The following KCNJ6 variants were observed in gnomAD, a reference collection of about 807,000 sequenced individuals.
The protein encoded by KCNJ6 is G protein-activated inward rectifier potassium channel 2.
KCNJ6 carries 9 observed loss-of-function variants against 34.2 expected under a neutral mutation model. That is an observed-to-expected ratio of 0.26 (90% CI 0.16 to 0.46). The LOEUF is 0.46. Ranked by LOEUF, KCNJ6 falls within the 20% of genes least tolerant of loss-of-function variation. The pLI, the probability that KCNJ6 is intolerant of heterozygous loss-of-function variation, is 1.00. For synonymous variants in KCNJ6, 196 were observed against 207.1 expected (o/e 0.95, Z 0.46); for missense variants, 236 against 531.3 (o/e 0.44, Z 5.46).
chr21:37,875,572 G>T (rs777763545), intron 1 of KCNJ6, among the ~76,000 whole-genome samples: 2 of 152,222 alleles, frequency 1.3e-5, no homozygotes, highest in Non-Finnish European at 2.9e-5. Flanking sequence ...TTCTGAAGCT[G>T]CTGCAGGATG....
At chr21:37,742,325 T>TTTCCTGGGCAGG (rs1338328733) in intron 2 of KCNJ6, among the ~76,000 whole-genome samples, 1 of 152,210 alleles carries the variant, frequency 6.6e-6, no homozygotes, top group East Asian at 1.9e-4. Flanking sequence ...AAGCAGTTGG[T>TTTCCTGGGCAGG]TTCCTGGGCA....
chr21:37,636,741 G>A (rs1479098686), intron 3 of KCNJ6, among the ~76,000 whole-genome samples: 2 of 152,232 alleles, frequency 1.3e-5, no homozygotes, highest in Non-Finnish European at 2.9e-5. Context: ...AACAGGCAAA[G>A]CCCTATTTTT....
chr21:37,756,932 C>A (rs2055031649), intron 2 of KCNJ6, among the ~76,000 whole-genome samples: 1 of 37,862 alleles, frequency 2.6e-5, no homozygotes, highest in Non-Finnish European at 5.8e-5. Context: ...TGAGCACTCC[C>A]TCACAGATTC....
At chr21:37,842,680 G>A (rs1218352516) in intron 1 of KCNJ6, among the ~76,000 whole-genome samples, 1 of 152,206 alleles carries the variant, frequency 6.6e-6, no homozygotes, top group African/African-American at 2.4e-5. Context: ...CCAGTAGAGA[G>A]GCTAAGTGTC....
At chr21:37,748,399 G>A (rs896304796) in intron 2 of KCNJ6, among the ~76,000 whole-genome samples, 1 of 152,228 alleles carries the variant, frequency 6.6e-6, no homozygotes, top group African/African-American at 2.4e-5. Context: ...TTGGAACAGG[G>A]TAGGAGTGGG....
At chr21:37,768,923 G>A (rs1366995813) in intron 2 of KCNJ6, among the ~76,000 whole-genome samples, 3 of 152,200 alleles carry the variant, frequency 2.0e-5, no homozygotes, top group Admixed American at 2.0e-4. Flanking sequence ...TACCTGAAGG[G>A]AATTTATAGC....
Position 37,617,118 on chromosome 21 carries a change from T to A in KCNJ6, c.*8041A>T, listed in dbSNP as rs2054274099. On this transcript the variant is annotated 3_prime_UTR_variant, in exon 4 of 4. Transcript: ENST00000609713. ...TTCTTTTCTTTCTTTCTTTCCTTCTTCCTTCCTTCCTTCTTTCTTTCCTTC... is the reference window on the plus strand; with the variant it reads ...TTCTTTTCTTTCTTTCTTTCCTTCTACCTTCCTTCCTTCTTTCTTTCCTTC... 8.0e-6 allele frequency: 1 copy of A among 125,288 alleles called. No individual in the cohort carries two copies. The highest frequency in any genetic ancestry group is 2.6e-4 in the East Asian group (1 of 3,890). 7.8% of individuals were successfully genotyped at this position (125,288 alleles called of 1,614,324 possible).
intron 1 of KCNJ6, among the ~76,000 whole-genome samples, chr21:37,897,971 G>A (rs910813700): frequency 1.5e-4 from 23 of 152,238 alleles, no homozygotes; most frequent in Admixed American, 3.9e-4. Flanking sequence ...GAAAGAAGAA[G>A]GGAAGATTCC....
In KCNJ6 at chr21:37,617,062, C is replaced by CT. The variant is rs1165425415; in HGVS notation, c.*8096dup. 2 of 60,346 alleles carry CT rather than the reference C, an allele frequency of 3.3e-5. No individual in the cohort carries two copies. Among genetic ancestry groups the CT allele is most frequent in the African/African-American group, 9.1e-5 (2 of 21,928 alleles). The allele number at this position is 60,346 out of a possible 1,614,324, so 3.7% of individuals were successfully genotyped here. ...TTTCTTTCTTTCTTTCTTTTCTTTT[C>CT]TTTTCTTTTCTTTTCTTTCTTTTTC... is the stretch of plus-strand genomic sequence containing the variant. On this transcript the variant is annotated 3_prime_UTR_variant, in exon 4 of 4. Transcript: ENST00000609713.
chr21:37,716,436 G>C (rs1326307535), intron 2 of KCNJ6, among the ~76,000 whole-genome samples: 10 of 149,118 alleles, frequency 6.7e-5, no homozygotes, highest in Admixed American at 6.7e-5. Context: ...CTAGAGTATA[G>C]TGGCACCATC....
chr21:37,802,582 G>A (rs1034339689), intron 2 of KCNJ6, among the ~76,000 whole-genome samples: 2 of 152,154 alleles, frequency 1.3e-5, no homozygotes, highest in East Asian at 3.9e-4. Context: ...GTGAGAAGAG[G>A]CCAGAAGATG....
intron 3 of KCNJ6, among the ~76,000 whole-genome samples, chr21:37,681,083 G>A (rs945777001): frequency 7.2e-5 from 11 of 152,320 alleles, no homozygotes; most frequent in East Asian, 3.9e-4. Context: ...TGTGAATGTC[G>A]CTATTATCTC....
intron 3 of KCNJ6, among the ~76,000 whole-genome samples, chr21:37,700,931 G>A (rs773367013): frequency 2.6e-5 from 4 of 152,226 alleles, no homozygotes; most frequent in Non-Finnish European, 5.9e-5. Context: ...GAGCACGTGG[G>A]AGGGAAGAGC....
rs144203876 is a variant in KCNJ6 at position 37,767,927 on chromosome 21, A to G, written c.26-52796T>C. On this transcript the variant is annotated intron_variant, in intron 2 of 3. Coordinates refer to ENST00000609713, the MANE Select transcript of KCNJ6 (RefSeq NM_002240.5). Reference sequence around the variant, plus strand: ...TTTATACACCTAAGCTTGGAAAATGATCTGTACTTAGAGGAAGACACAGAG... The same window carrying G: ...TTTATACACCTAAGCTTGGAAAATGGTCTGTACTTAGAGGAAGACACAGAG... Among the ~76,000 whole-genome samples the G allele has an allele frequency of 5.2e-3, 795 of 152,300 alleles. 8 individuals are homozygous for G. Among genetic ancestry groups the G allele is most frequent in the Admixed American group, 0.02 (311 of 15,304 alleles).
chr21:37,844,232 T>C (rs9976420), intron 1 of KCNJ6, among the ~76,000 whole-genome samples: 40,133 of 151,846 alleles, frequency 0.26, 6,534 homozygotes, highest in South Asian at 0.4. Context: ...CTAATTTTTG[T>C]GTTTTTTAGT....
At chr21:37,743,489 G>A (rs765869918) in intron 2 of KCNJ6, among the ~76,000 whole-genome samples, 4 of 152,118 alleles carry the variant, frequency 2.6e-5, no homozygotes, top group Non-Finnish European at 4.4e-5. Flanking sequence ...ACATTTAAGA[G>A]GTGATTAGGC....
rs147414695 is a variant in KCNJ6, at chr21:37,812,964, G to T, written c.25+27694C>A. Among the ~76,000 whole-genome samples, 3 of 152,282 alleles carry T rather than the reference G, an allele frequency of 2.0e-5. No homozygotes were observed. In the East Asian group the frequency reaches 5.8e-4, roughly 29 times the overall value. On this transcript the variant is annotated intron_variant, in intron 2 of 3. Coordinates refer to ENST00000609713, the MANE Select transcript of KCNJ6 (RefSeq NM_002240.5). ...AAAGGGCATCCAAATTGGTAAGGAA[G>T]AAGTCAAATTGTCCTTGTTTGCAGA...
chr21:37,800,039 A>C (rs2055261883), intron 2 of KCNJ6, among the ~76,000 whole-genome samples: 1 of 152,196 alleles, frequency 6.6e-6, no homozygotes, highest in South Asian at 2.1e-4. Flanking sequence ...ACTGCAGACA[A>C]ATGTATCTGA....
chr21:37,897,334 G>A (rs768974429), intron 1 of KCNJ6, among the ~76,000 whole-genome samples: 2 of 152,188 alleles, frequency 1.3e-5, no homozygotes, highest in Non-Finnish European at 2.9e-5. Flanking sequence ...TGGAAGGTGT[G>A]TGCACAGTGA....
Sources: gnomAD v4.1 joint callset for allele counts (sites outside exome capture counted in the v4.1 genomes callset) on GRCh38, gnomAD v4.1.1 for gene constraint, MANE v1.5 for transcripts, NCBI Gene and HGNC (gene_info 2026-07-23, HGNC 2026-07-21) for gene names.